Variants in RAPGEF4 observed in about 807,000 individuals in gnomAD.
The protein encoded by RAPGEF4 is Rap guanine nucleotide exchange factor 4.
A neutral mutation model predicts 147.9 loss-of-function variants in RAPGEF4; 66 were observed. That is an observed-to-expected ratio of 0.45 (90% confidence interval 0.37 to 0.55). The LOEUF (loss-of-function observed/expected upper bound fraction) is 0.55. RAPGEF4 is among the 20% of genes least tolerant of loss of function. RAPGEF4 has a pLI of 0.00. For missense variants in RAPGEF4, 1,071 were observed against 1,257.3 expected (o/e 0.85, Z 2.24); for synonymous variants, 419 against 442.7 (o/e 0.95, Z 0.67).
intron 1 of RAPGEF4, among the ~76,000 whole-genome samples, chr2:172,746,788 A>G (rs1179497164): frequency 2.0e-5 from 3 of 151,700 alleles, no homozygotes; most frequent in South Asian, 2.1e-4. Context: ...AATTTTTGTA[A>G]TTTTAGTAGA....
In RAPGEF4 at chr2:172,959,739, G is replaced by A. The variant is rs538189546; in HGVS notation, c.538-1021G>A. 3.9e-5 allele frequency among the ~76,000 whole-genome samples: 6 copies of A among 152,342 alleles called. 1 individual carries two copies. The East Asian group carries it at 9.6e-4, about 24-fold the overall frequency. ...TTTCTGTAAGACTAGAGGGCTTAAT[G>A]TGTAGCTGTGTGGAAGTAATTTTTC... On this transcript the variant is annotated intron_variant, in intron 6 of 30. Transcript: ENST00000397081.
At chr2:172,802,899 A>G (rs956420896) in intron 3 of RAPGEF4, among the ~76,000 whole-genome samples, 1 of 152,254 alleles carries the variant, frequency 6.6e-6, no homozygotes, top group Non-Finnish European at 1.5e-5. Context: ...CCAGCAGGGC[A>G]GTCAAATCTT....
intron 4 of RAPGEF4, among the ~76,000 whole-genome samples, chr2:172,866,000 C>A (rs1233836824): frequency 6.6e-6 from 1 of 152,070 alleles, no homozygotes; most frequent in Non-Finnish European, 1.5e-5. Flanking sequence ...CACTCTCATC[C>A]TCTTGGGATG....
At chr2:172,783,097 C>T (rs1314534187) in intron 1 of RAPGEF4, among the ~76,000 whole-genome samples, 3 of 152,180 alleles carry the variant, frequency 2.0e-5, no homozygotes, top group Non-Finnish European at 4.4e-5. Context: ...CTTACAAATG[C>T]AGGGCTAAAC....
chr2:173,036,119 C>T lies in RAPGEF4; in HGVS notation c.2701-6C>T, dbSNP rs781243531. ...TCATTACCATCATCTCTTTTTCTCT[C>T]CTAAGGACCCTTCAAGGAACCACAG... On this transcript the variant is annotated splice_region_variant and splice_polypyrimidine_tract_variant and intron_variant, in intron 27 of 30. Transcript: ENST00000397081. 1.9e-6 allele frequency: 3 copies of T among 1,599,856 alleles called. No homozygotes were observed. The highest frequency in any genetic ancestry group is 2.6e-6 in the Non-Finnish European group (3 of 1,167,528).
At chr2:172,738,589 A>G (rs181695590) in intron 1 of RAPGEF4, among the ~76,000 whole-genome samples, 1 of 152,074 alleles carries the variant, frequency 6.6e-6, no homozygotes, top group East Asian at 1.9e-4. Flanking sequence ...CTTCCCAACC[A>G]CAAATTCCTC....
At chr2:172,775,914 C>G (rs1395242977) in intron 1 of RAPGEF4, among the ~76,000 whole-genome samples, 1 of 152,112 alleles carries the variant, frequency 6.6e-6, no homozygotes, top group Non-Finnish European at 1.5e-5. Flanking sequence ...CTATAGGACC[C>G]TATTACTACT....
chr2:172,918,101 G>A, intron 5 of RAPGEF4: 1 of 688,870 alleles, frequency 1.5e-6, no homozygotes, highest in Non-Finnish European at 2.6e-6. Context: ...GGTGCCAGCT[G>A]GAACTTTGGC....
intron 4 of RAPGEF4, among the ~76,000 whole-genome samples, chr2:172,866,923 C>T (rs543836298): frequency 2.0e-5 from 3 of 150,794 alleles, no homozygotes; most frequent in Admixed American, 6.6e-5. Context: ...TTTTAGAATG[C>T]GAAAGTCTTT....
intron 1 of RAPGEF4, among the ~76,000 whole-genome samples, chr2:172,789,043 G>A (rs1435286570): frequency 6.6e-6 from 1 of 152,214 alleles, no homozygotes; most frequent in Non-Finnish European, 1.5e-5. Flanking sequence ...TTGGCTGTCA[G>A]TCAGTAACTG....
intron 10 of RAPGEF4, among the ~76,000 whole-genome samples, chr2:172,970,412 T>C (rs1222923764): frequency 6.6e-6 from 1 of 152,184 alleles, no homozygotes; most frequent in Non-Finnish European, 1.5e-5. Context: ...ATGAGATGCA[T>C]TGGCTTCATA....
chr2:172,780,165 GA>G (rs1684548006), intron 1 of RAPGEF4, among the ~76,000 whole-genome samples: 1 of 151,432 alleles, frequency 6.6e-6, no homozygotes, highest in Non-Finnish European at 1.5e-5. Context: ...TGATTAACAA[GA>G]AAAAAAACAA....
intron 4 of RAPGEF4, among the ~76,000 whole-genome samples, chr2:172,911,982 G>A (rs1049275177): frequency 4.6e-5 from 7 of 151,860 alleles, no homozygotes; most frequent in African/African-American, 7.2e-5. Context: ...GCCCAGGCTG[G>A]TTTCGAACTC....
chr2:172,823,713 C>T (rs1689352474), intron 4 of RAPGEF4, among the ~76,000 whole-genome samples: 6 of 152,166 alleles, frequency 3.9e-5, no homozygotes, highest in Admixed American at 3.9e-4. Flanking sequence ...ACTAAGTTCG[C>T]TTCTCCAAAT....
At chr2:172,853,264 A>G (rs952951573) in intron 4 of RAPGEF4, among the ~76,000 whole-genome samples, 9 of 151,968 alleles carry the variant, frequency 5.9e-5, no homozygotes, top group Non-Finnish European at 1.3e-4. Flanking sequence ...CATTTGTACT[A>G]GAGTTTTCTT....
At chr2:172,813,793 C>A (rs1022355605) in intron 3 of RAPGEF4, among the ~76,000 whole-genome samples, 2 of 152,136 alleles carry the variant, frequency 1.3e-5, no homozygotes, top group African/African-American at 4.8e-5. Context: ...TTCATAATAT[C>A]CTCAAAGTAG....
At chr2:172,829,067 T>A (rs1690001830) in intron 4 of RAPGEF4, among the ~76,000 whole-genome samples, 1 of 151,892 alleles carries the variant, frequency 6.6e-6, no homozygotes, top group South Asian at 2.1e-4. Context: ...GAGGCCAGAG[T>A]GCTGCGGCCC....
intron 10 of RAPGEF4, among the ~76,000 whole-genome samples, chr2:172,979,981 C>T (rs1691506397): frequency 6.6e-6 from 1 of 152,212 alleles, no homozygotes; most frequent in African/African-American, 2.4e-5. Context: ...CACACTACTG[C>T]ACTCCAGCCT....
chr2:172,831,208 G>A lies in RAPGEF4; in HGVS notation c.444+16783G>A, dbSNP rs761082964. 1.5e-4 allele frequency among the ~76,000 whole-genome samples: 21 copies of A among 144,680 alleles called. No individual in the cohort carries two copies. In the South Asian group the frequency reaches 2.2e-3, roughly 15 times the overall value. 94.9% of individuals were successfully genotyped at this position (144,680 alleles called of 152,430 possible). On this transcript the variant is annotated intron_variant, in intron 4 of 30. Coordinates refer to ENST00000397081, the MANE Select transcript of RAPGEF4 (RefSeq NM_007023.4). ...AACACCTTGAACCCCTATTAGCACC[G>A]TCTGATGTTTTAAATCTGAGAATAT...
Sources: gnomAD v4.1 joint callset for allele counts (sites outside exome capture counted in the v4.1 genomes callset) on GRCh38, gnomAD v4.1.1 for gene constraint, MANE v1.5 for transcripts, NCBI Gene and HGNC (gene_info 2026-07-23, HGNC 2026-07-21) for gene names.